KLHL29: variants seen among roughly 807,000 people sequenced by gnomAD.
KLHL29 encodes kelch-like protein 29.
KLHL29 carries 21 observed loss-of-function variants against 80.4 expected under a neutral mutation model. The observed-to-expected ratio is 0.26, with a 90% CI of 0.19 to 0.38. The LOEUF (loss-of-function observed/expected upper bound fraction) is 0.38, where lower values mean the gene tolerates loss of function less well. Ranked by LOEUF, KLHL29 falls within the 10% of genes least tolerant of loss-of-function variation. The pLI, the probability that KLHL29 is intolerant of heterozygous loss-of-function variation, is 1.00. For synonymous variants in KLHL29, 511 were observed against 526.8 expected (o/e 0.97, Z 0.41); for missense variants, 867 against 1,223.9 (o/e 0.71, Z 4.35).
chr2:23,609,800 A>G (rs781068895), intron 3 of KLHL29, among the ~76,000 whole-genome samples: 1 of 152,152 alleles, frequency 6.6e-6, no homozygotes, highest in Non-Finnish European at 1.5e-5. Context: ...TCCCCATTGT[A>G]TGGGTGAGGA....
chr2:23,506,611 G>A (rs942276456), intron 2 of KLHL29, among the ~76,000 whole-genome samples: 2 of 152,172 alleles, frequency 1.3e-5, no homozygotes, highest in South Asian at 2.1e-4. Context: ...TGTGGCTGCT[G>A]AAATCACACT....
chr2:23,593,407 C>A (rs550052916), intron 3 of KLHL29, among the ~76,000 whole-genome samples: 1 of 152,248 alleles, frequency 6.6e-6, no homozygotes, highest in East Asian at 1.9e-4. Flanking sequence ...ACAGGGCCTG[C>A]GGTGAATAGC....
At chr2:23,670,970 CTCTCTCTCT>C (rs1670717263) in intron 5 of KLHL29, among the ~76,000 whole-genome samples, 2 of 24,356 alleles carry the variant, frequency 8.2e-5, no homozygotes, top group Non-Finnish European at 2.1e-4. Flanking sequence ...CTCTCTCTCT[CTCTCTCTCT>C]CCCTCCCTCC....
Position 23,602,613 on chromosome 2 carries a change from A to AT in KLHL29, c.286-36505dup, listed in dbSNP as rs3028904. On this transcript the variant is annotated intron_variant, in intron 3 of 13. Transcript: ENST00000486442. ...AGCTCCAGGCAGCTGCTCTACGTGAATTTTTTTTTTTTTTTTTTTTTAAGG... is the reference window on the plus strand; with the variant it reads ...AGCTCCAGGCAGCTGCTCTACGTGAATTTTTTTTTTTTTTTTTTTTTTAAGG... Among the ~76,000 whole-genome samples the AT allele has an allele frequency of 2.9e-3, 402 of 140,324 alleles. 2 individuals carry two copies. The highest frequency in any genetic ancestry group is 8.6e-3 in the Admixed American group (120 of 13,952). The allele number at this position is 140,324 out of a possible 152,430, so 92.1% of individuals were successfully genotyped here. A position where few individuals can be genotyped will look rare whatever the true frequency, so the allele number is the denominator to read the frequency against.
At chr2:23,540,477 T>TC (rs1666800331) in intron 2 of KLHL29, among the ~76,000 whole-genome samples, 1 of 152,204 alleles carries the variant, frequency 6.6e-6, no homozygotes, top group Admixed American at 6.5e-5. Flanking sequence ...TGAGCATCTT[T>TC]CTTTCCTCTC....
chr2:23,651,524 G>A (rs1670086887), intron 5 of KLHL29, among the ~76,000 whole-genome samples: 2 of 152,276 alleles, frequency 1.3e-5, no homozygotes, highest in Non-Finnish European at 1.5e-5. Flanking sequence ...CTGCTAGGGC[G>A]TGTCTTCCCT....
chr2:23,539,594 A>G lies in KLHL29; in HGVS notation c.-45-22558A>G, dbSNP rs2103482845. On this transcript the variant is annotated intron_variant, in intron 2 of 13. Coordinates refer to ENST00000486442, the MANE Select transcript of KLHL29 (RefSeq NM_052920.2). ...GTTGCTGGGACTACAGGTGCGCACC[A>G]TCACACCAGCTGATTTTTGTATTTT... is the stretch of plus-strand genomic sequence containing the variant. Among the ~76,000 whole-genome samples, 7 of 151,988 alleles carry G rather than the reference A, an allele frequency of 4.6e-5. No individual in the cohort carries two copies. In the South Asian group the frequency reaches 1.5e-3, roughly 32 times the overall value.
At chr2:23,635,979 G>C (rs1669597046) in intron 3 of KLHL29, among the ~76,000 whole-genome samples, 1 of 152,230 alleles carries the variant, frequency 6.6e-6, no homozygotes, top group Non-Finnish European at 1.5e-5. Context: ...TCCCGACCAG[G>C]AGGCATGGAA....
chr2:23,500,961 TTGTC>T (rs1478202744), intron 2 of KLHL29, among the ~76,000 whole-genome samples: 1 of 152,178 alleles, frequency 6.6e-6, no homozygotes, highest in South Asian at 2.1e-4. Flanking sequence ...TCGCATCTGT[TTGTC>T]TGCGGCGGAG....
chr2:23,428,947 G>A (rs929842821), intron 1 of KLHL29, among the ~76,000 whole-genome samples: 2 of 152,178 alleles, frequency 1.3e-5, no homozygotes, highest in Non-Finnish European at 2.9e-5. Flanking sequence ...CAGGTTAAGC[G>A]AGGCTGGACT....
At position 23,458,640 on chromosome 2, in the gene KLHL29, A is replaced by G. The variant is rs1664129420; in HGVS notation, c.-153-16920A>G. On this transcript the variant is annotated intron_variant, in intron 1 of 13. Transcript: ENST00000486442. ...GGTATGTGGCAACCTCACGTCAAGA[A>G]CTGCTTCCCTCAAGAGTTGCTGCTT... 2.0e-5 allele frequency among the ~76,000 whole-genome samples: 3 copies of G among 152,230 alleles called. No homozygotes were observed. In the South Asian group the frequency reaches 6.2e-4, roughly 32 times the overall value.
intron 1 of KLHL29, among the ~76,000 whole-genome samples, chr2:23,401,461 T>C (rs756200564): frequency 1.3e-4 from 20 of 152,220 alleles, no homozygotes; most frequent in Non-Finnish European, 2.6e-4. Flanking sequence ...GGACTTCTTC[T>C]GAATTCATCT....
chr2:23,701,763 CTTTAGCTTCGCACACAT>C lies in KLHL29; in HGVS notation c.2106-1422_2106-1406del, dbSNP rs1350182124. Among the ~76,000 whole-genome samples, 19 of 150,788 alleles carry C rather than the reference CTTTAGCTTCGCACACAT, an allele frequency of 1.3e-4. No homozygotes were observed. In the East Asian group the frequency reaches 3.5e-3, roughly 28 times the overall value. On this transcript the variant is annotated intron_variant, in intron 11 of 13. Transcript: ENST00000486442. ...CTGCACTCTAGATAAAGCCCAACTC[CTTTAGCTTCGCACACAT>C]GGCTTTTTTTTGCTTTTTTTTTTTT...
At chr2:23,646,729 C>T (rs533797516) in intron 5 of KLHL29, among the ~76,000 whole-genome samples, 4 of 152,286 alleles carry the variant, frequency 2.6e-5, no homozygotes, top group East Asian at 1.9e-4. Context: ...CATTCATCCT[C>T]GCTGCTGCAT....
At chr2:23,389,096 G>A (rs1277204496) in intron 1 of KLHL29, among the ~76,000 whole-genome samples, 2 of 150,790 alleles carry the variant, frequency 1.3e-5, no homozygotes, top group South Asian at 4.2e-4. Flanking sequence ...TATTAGAGCA[G>A]GTCTGTCCTG....
chr2:23,692,002 G>A, intron 7 of KLHL29, 126 bp downstream of exon 7: 1 of 871,642 alleles, frequency 1.1e-6, no homozygotes, highest in Non-Finnish European at 1.8e-6. Flanking sequence ...ACATGTGGCT[G>A]AGTTTGGCAG....
chr2:23,565,207 T>G (rs1667560554), intron 3 of KLHL29, among the ~76,000 whole-genome samples: 1 of 152,184 alleles, frequency 6.6e-6, no homozygotes, highest in Non-Finnish European at 1.5e-5. Context: ...TCTACCCTCT[T>G]AGGGAAAGGT....
rs1668479825 is a variant in KLHL29, at chr2:23,598,316, T to C, written c.285+35835T>C. 5.3e-5 allele frequency among the ~76,000 whole-genome samples: 8 copies of C among 152,156 alleles called. No homozygotes were observed. In the South Asian group the frequency reaches 1.7e-3, roughly 32 times the overall value. ...CCAAGATCATTTGCAAAGTAACTGA[T>C]CTTGCAAGATGTTGAAGTCAGGTCC... On this transcript the variant is annotated intron_variant, in intron 3 of 13. Transcript: ENST00000486442.
rs143422491 is a variant in KLHL29 at position 23,681,999 on chromosome 2, C to T, written c.941-2400C>T. 2.1e-4 allele frequency among the ~76,000 whole-genome samples: 32 copies of T among 152,168 alleles called. No homozygotes were observed. Among genetic ancestry groups the T allele is most frequent in the Admixed American group, 8.5e-4 (13 of 15,284 alleles). ...CAGGCCTCTATCCACCGCCTCCTAC[C>T]CCATCCCCCAGGTGTCCCACAGGCC... On this transcript the variant is annotated intron_variant, in intron 5 of 13. Coordinates refer to ENST00000486442, the MANE Select transcript of KLHL29 (RefSeq NM_052920.2). The surrounding 1 kb of genome is among the most constrained non-coding windows in gnomAD (Gnocchi z 4.2).
Sources: allele counts gnomAD v4.1 joint callset (sites outside exome capture counted in the v4.1 genomes callset), GRCh38; gene constraint gnomAD v4.1.1; non-coding constraint Gnocchi (gnomAD v3.1); transcripts MANE v1.5; gene names NCBI Gene and HGNC (gene_info 2026-07-23, HGNC 2026-07-21).